Variants in ARHGAP24 observed in about 807,000 individuals in gnomAD.
ARHGAP24 encodes the protein Rho GTPase activating protein 24.
Under a neutral mutation model 76.4 loss-of-function variants are expected in ARHGAP24, and 50 were observed. That is an observed-to-expected ratio of 0.65 (90% CI 0.52 to 0.83). The LOEUF (loss-of-function observed/expected upper bound fraction) is 0.83. Ranked by LOEUF, ARHGAP24 falls within the 40% of genes least tolerant of loss-of-function variation. ARHGAP24 has a pLI of 0.00. For synonymous variants in ARHGAP24, 345 were observed against 323.3 expected, an observed-to-expected ratio of 1.07 and a Z score of -0.72; for missense variants, 930 against 914.2, an observed-to-expected ratio of 1.02 and a Z score of -0.22.
intron 8 of ARHGAP24, among the ~76,000 whole-genome samples, chr4:85,982,861 A>T (rs143906937): frequency 6.6e-6 from 1 of 152,188 alleles, no homozygotes; most frequent in Non-Finnish European, 1.5e-5. Flanking sequence ...GTGCCTGTCA[A>T]CCCATCACCT....
At chr4:85,944,996 G>A (rs1234189880) in intron 5 of ARHGAP24, among the ~76,000 whole-genome samples, 1 of 151,688 alleles carries the variant, frequency 6.6e-6, no homozygotes, top group Non-Finnish European at 1.5e-5. Context: ...ACAGGCATGT[G>A]CCAACATGCC....
At chr4:85,826,089 C>A (rs755514158) in intron 3 of ARHGAP24, among the ~76,000 whole-genome samples, 1 of 152,256 alleles carries the variant, frequency 6.6e-6, no homozygotes, top group Non-Finnish European at 1.5e-5. Context: ...TCTCATAAGA[C>A]GGGTGGCCAC....
At chr4:85,655,788 T>TAGAGAGAGAGAG (rs1296201189) in intron 2 of ARHGAP24, among the ~76,000 whole-genome samples, 1 of 49,520 alleles carries the variant, frequency 2.0e-5, no homozygotes, top group Non-Finnish European at 3.4e-5. Context: ...TATATATATA[T>TAGAGAGAGAGAG]ATATAGAGAG....
chr4:85,625,590 G>T (rs147676580), intron 2 of ARHGAP24, among the ~76,000 whole-genome samples: 3,734 of 152,250 alleles, frequency 0.025, 168 homozygotes, highest in African/African-American at 0.085. Context: ...TATTAGGTCT[G>T]CTTGGTGCAG....
chr4:85,685,537 G>T (rs190082397), intron 2 of ARHGAP24, among the ~76,000 whole-genome samples: 43 of 151,976 alleles, frequency 2.8e-4, no homozygotes, highest in Admixed American at 2.0e-3. Flanking sequence ...GGAGGCTGAG[G>T]CAGGAGAATG....
intron 2 of ARHGAP24, among the ~76,000 whole-genome samples, chr4:85,602,357 A>G (rs1252364435): frequency 6.6e-6 from 1 of 152,180 alleles, no homozygotes; most frequent in Non-Finnish European, 1.5e-5. Context: ...CAGTTGAGAG[A>G]AGGTGATTTC....
intron 1 of ARHGAP24, among the ~76,000 whole-genome samples, chr4:85,524,465 T>A (rs1422720597): frequency 6.6e-6 from 1 of 152,158 alleles, no homozygotes. Flanking sequence ...TAATAATAGC[T>A]ATCACATATT....
Position 85,810,201 on chromosome 4 carries a change from T to C in ARHGAP24, c.268+88229T>C, listed in dbSNP as rs545010395. On this transcript the variant is annotated intron_variant, in intron 3 of 9. Transcript: ENST00000395184. ...ATTACCAACTTTGTTAGACAATATCTTCTTCATCTTTAATTTTCAGCTCAA... is the reference window on the plus strand; with the variant it reads ...ATTACCAACTTTGTTAGACAATATCCTCTTCATCTTTAATTTTCAGCTCAA... 3.9e-5 allele frequency among the ~76,000 whole-genome samples: 6 copies of C among 152,326 alleles called. No individual in the cohort carries two copies. The South Asian group carries it at 1.2e-3, about 32-fold the overall frequency.
chr4:85,769,575 T>TA (rs1440273262), intron 3 of ARHGAP24, among the ~76,000 whole-genome samples: 5 of 152,188 alleles, frequency 3.3e-5, no homozygotes, highest in Admixed American at 6.6e-5. Flanking sequence ...GATAGCTTGA[T>TA]ATCTCGATGG....
chr4:85,855,157 T>C (rs980162197), intron 3 of ARHGAP24, among the ~76,000 whole-genome samples: 3 of 152,202 alleles, frequency 2.0e-5, no homozygotes, highest in East Asian at 1.9e-4. Context: ...ACAATAACCC[T>C]GTGAGTTGGT....
chr4:85,704,896 T>G (rs1172705051), intron 2 of ARHGAP24, among the ~76,000 whole-genome samples: 1 of 152,110 alleles, frequency 6.6e-6, no homozygotes, highest in Non-Finnish European at 1.5e-5. Context: ...ATAAGGTACT[T>G]TGATTGACCA....
At chr4:85,627,937 T>C (rs917288939) in intron 2 of ARHGAP24, among the ~76,000 whole-genome samples, 1 of 152,106 alleles carries the variant, frequency 6.6e-6, no homozygotes, top group African/African-American at 2.4e-5. Flanking sequence ...AGCGCAGTAT[T>C]AGGGTGGGAG....
intron 5 of ARHGAP24, among the ~76,000 whole-genome samples, chr4:85,950,351 C>T (rs1433301781): frequency 7.9e-5 from 12 of 151,606 alleles, no homozygotes; most frequent in Admixed American, 5.9e-4. Context: ...AATTAAAAAA[C>T]TAGCTGCCTT....
intron 8 of ARHGAP24, among the ~76,000 whole-genome samples, chr4:85,992,995 A>C (rs973117046): frequency 2.6e-5 from 4 of 152,140 alleles, no homozygotes; most frequent in African/African-American, 9.7e-5. Flanking sequence ...CACCTTGATC[A>C]CATCGTCTCT....
chr4:85,607,097 C>T (rs1331914114), intron 2 of ARHGAP24, among the ~76,000 whole-genome samples: 1 of 152,154 alleles, frequency 6.6e-6, no homozygotes, highest in African/African-American at 2.4e-5. Flanking sequence ...GTTTACTTCC[C>T]TCTATCTAAG....
At chr4:85,683,125 G>A (rs190877776) in intron 2 of ARHGAP24, among the ~76,000 whole-genome samples, 11 of 107,760 alleles carry the variant, frequency 1.0e-4, no homozygotes, top group Non-Finnish European at 1.9e-4. Flanking sequence ...GGTGGGGGGG[G>A]GGTGCGGGGG....
chr4:85,514,231 C>T (rs1724397819), intron 1 of ARHGAP24, among the ~76,000 whole-genome samples: 1 of 152,148 alleles, frequency 6.6e-6, no homozygotes, highest in African/African-American at 2.4e-5. Flanking sequence ...AGAGGATCCC[C>T]AGCAGGATGG....
intron 2 of ARHGAP24, among the ~76,000 whole-genome samples, chr4:85,598,350 A>G (rs1302841481): frequency 6.6e-6 from 1 of 152,078 alleles, no homozygotes; most frequent in African/African-American, 2.4e-5. Context: ...CATTACATTT[A>G]GATATACCAG....
At chr4:85,771,604 A>C (rs1727131713) in intron 3 of ARHGAP24, among the ~76,000 whole-genome samples, 2 of 152,254 alleles carry the variant, frequency 1.3e-5, no homozygotes, top group African/African-American at 4.8e-5. Flanking sequence ...AGTCAAGTTT[A>C]CACATATAAT....
Sources: gnomAD v4.1 joint callset for allele counts (sites outside exome capture counted in the v4.1 genomes callset) on GRCh38, gnomAD v4.1.1 for gene constraint, MANE v1.5 for transcripts, NCBI Gene and HGNC (gene_info 2026-07-23, HGNC 2026-07-21) for gene names.